The following CSMD1 variants were observed in gnomAD, a reference collection of about 807,000 sequenced individuals.
CSMD1 encodes the protein CUB and Sushi multiple domains 1.
A neutral mutation model predicts 417.5 loss-of-function variants in CSMD1; 213 were observed. The ratio of observed to expected loss-of-function variants is 0.51; its 90% CI spans 0.46 to 0.57. The LOEUF (loss-of-function observed/expected upper bound fraction) is 0.57. Among genes scored for constraint, CSMD1 ranks in the 20% least tolerant of loss-of-function variants. The probability of loss-of-function intolerance (pLI) is 0.00; values close to 1 mark genes in which losing one functional copy is unlikely to be tolerated. For synonymous variants in CSMD1, 2,862 were observed against 1,736.8 expected (o/e 1.65, Z -16.11); for missense variants, 6,923 against 4,529.7 (o/e 1.53, Z -15.17).
intron 25 of CSMD1, among the ~76,000 whole-genome samples, chr8:3,294,358 A>C (rs1803804621): frequency 6.6e-6 from 1 of 152,318 alleles, no homozygotes; most frequent in East Asian, 1.9e-4. Flanking sequence ...GCTGTCAGAC[A>C]GGGACATTTA....
chr8:4,017,597 T>C (rs762607597), intron 4 of CSMD1, among the ~76,000 whole-genome samples: 2 of 152,178 alleles, frequency 1.3e-5, no homozygotes, highest in African/African-American at 4.8e-5. Context: ...TGAGCCACCG[T>C]GCCCAGCTGC....
intron 2 of CSMD1, among the ~76,000 whole-genome samples, chr8:4,473,866 T>G (rs1211030406): frequency 6.6e-6 from 1 of 152,076 alleles, no homozygotes; most frequent in Non-Finnish European, 1.5e-5. Context: ...ATATAAGAAT[T>G]TAATATATGA....
At chr8:3,820,511 G>C (rs1369013694) in intron 5 of CSMD1, among the ~76,000 whole-genome samples, 1 of 152,174 alleles carries the variant, frequency 6.6e-6, no homozygotes, top group Non-Finnish European at 1.5e-5. Flanking sequence ...CACACGTGAA[G>C]CTGACATCTC....
intron 1 of CSMD1, among the ~76,000 whole-genome samples, chr8:4,738,559 C>G (rs1052821264): frequency 6.6e-6 from 1 of 152,074 alleles, no homozygotes; most frequent in Non-Finnish European, 1.5e-5. Context: ...AACTACAATT[C>G]TAGATAAGAC....
At chr8:3,584,460 G>T (rs567866686) in intron 9 of CSMD1, among the ~76,000 whole-genome samples, 1 of 152,140 alleles carries the variant, frequency 6.6e-6, no homozygotes, top group Non-Finnish European at 1.5e-5. Context: ...AGTAGCTGGG[G>T]GGTTGAGAAG....
At chr8:3,915,193 G>T (rs567730575) in intron 5 of CSMD1, among the ~76,000 whole-genome samples, 2 of 152,020 alleles carry the variant, frequency 1.3e-5, no homozygotes, top group Non-Finnish European at 2.9e-5. Flanking sequence ...ACCACCTAAG[G>T]TCAGGATTTC....
rs1042013882 is a variant in CSMD1 at position 4,277,109 on chromosome 8, A to T, written c.415+142844T>A. 4.6e-5 allele frequency among the ~76,000 whole-genome samples: 7 copies of T among 152,284 alleles called. No individual in the cohort carries two copies. In the East Asian group the frequency reaches 1.2e-3, roughly 25 times the overall value. ...ATTGCATGTAACTTTTCTGCCAATT[A>T]AAAATAGTTCCTTCATAAACCCTTA... On this transcript the variant is annotated intron_variant, in intron 3 of 69. Transcript: ENST00000635120.
chr8:3,864,123 T>A (rs2975364), intron 5 of CSMD1, among the ~76,000 whole-genome samples: 3,490 of 145,108 alleles, frequency 0.024, 48 homozygotes, highest in Non-Finnish European at 0.025. Context: ...GTTGATATTT[T>A]AAAAAAAAAT....
At chr8:3,751,433 C>T (rs1298327478) in intron 6 of CSMD1, among the ~76,000 whole-genome samples, 3 of 147,126 alleles carry the variant, frequency 2.0e-5, no homozygotes, top group Non-Finnish European at 4.5e-5. Flanking sequence ...TAACTACATA[C>T]AGTTTATACA....
At chr8:4,628,965 T>C (rs1585356949) in intron 2 of CSMD1, among the ~76,000 whole-genome samples, 1 of 152,292 alleles carries the variant, frequency 6.6e-6, no homozygotes, top group East Asian at 1.9e-4. Context: ...ATGAAACATA[T>C]ATGTGAGAGA....
rs1039720030 is a variant in CSMD1 at position 4,140,583 on chromosome 8, G to A, written c.416-108484C>T. 2.6e-5 allele frequency among the ~76,000 whole-genome samples: 4 copies of A among 150,990 alleles called. 1 individual carries two copies. Among genetic ancestry groups the A allele is most frequent in the African/African-American group, 9.9e-5 (4 of 40,296 alleles). On this transcript the variant is annotated intron_variant, in intron 3 of 69. Coordinates refer to ENST00000635120, the MANE Select transcript of CSMD1 (RefSeq NM_033225.6). ...CTAGGGAGGCTAAGGTGGGAAGACT[G>A]CTTGAACCCAAGAGGTCAAGGCTGC...
intron 49 of CSMD1, among the ~76,000 whole-genome samples, chr8:3,075,654 A>G (rs909001638): frequency 6.6e-6 from 1 of 152,032 alleles, no homozygotes; most frequent in Non-Finnish European, 1.5e-5. Flanking sequence ...TAATAGCTTT[A>G]TATCAGTTTT....
intron 5 of CSMD1, among the ~76,000 whole-genome samples, chr8:3,952,726 A>C (rs997917693): frequency 3.3e-5 from 5 of 152,218 alleles, no homozygotes; most frequent in African/African-American, 1.2e-4. Flanking sequence ...TGAATTGGAC[A>C]TTTTAAAATG....
At chr8:4,355,780 T>C (rs1801395351) in intron 3 of CSMD1, among the ~76,000 whole-genome samples, 1 of 152,182 alleles carries the variant, frequency 6.6e-6, no homozygotes, top group Non-Finnish European at 1.5e-5. Flanking sequence ...CATTCATGGG[T>C]AACATGTGCT....
At position 3,871,797 on chromosome 8, in the gene CSMD1, G is replaced by C. The variant is rs141137793; in HGVS notation, c.819-117755C>G. On this transcript the variant is annotated intron_variant, in intron 5 of 69. Transcript: ENST00000635120. ...ATAAAGATTAAATGTAAGAGTTGTTGATGTGAATGAAGTGTGAAGCTTGTG... is the reference window on the plus strand; with the variant it reads ...ATAAAGATTAAATGTAAGAGTTGTTCATGTGAATGAAGTGTGAAGCTTGTG... Among the ~76,000 whole-genome samples the C allele has an allele frequency of 3.0e-3, 460 of 152,310 alleles. 14 individuals carry two copies. The highest frequency in any genetic ancestry group is 8.8e-4 in the Non-Finnish European group (60 of 68,012).
At chr8:4,827,368 G>A (rs796087236) in intron 1 of CSMD1, among the ~76,000 whole-genome samples, 11 of 152,246 alleles carry the variant, frequency 7.2e-5, no homozygotes, top group African/African-American at 2.2e-4. Context: ...ACAAAGCCCA[G>A]CGGCTGCTCG....
intron 3 of CSMD1, among the ~76,000 whole-genome samples, chr8:4,294,978 G>C (rs1377886011): frequency 1.3e-5 from 2 of 149,926 alleles, no homozygotes; most frequent in Non-Finnish European, 3.0e-5. Context: ...CTTATATTTT[G>C]CCAAGTCACC....
chr8:4,270,180 A>G (rs1304398491), intron 3 of CSMD1, among the ~76,000 whole-genome samples: 1 of 152,212 alleles, frequency 6.6e-6, no homozygotes, highest in African/African-American at 2.4e-5. Context: ...AAGCGGTTAG[A>G]AAGGAGTTGA....
intron 1 of CSMD1, among the ~76,000 whole-genome samples, chr8:4,825,841 G>A (rs756975521): frequency 6.7e-6 from 1 of 148,870 alleles, no homozygotes; most frequent in African/African-American, 2.5e-5. Context: ...ATGGGCAAAA[G>A]ACACTTCTCT....
Sources: allele counts gnomAD v4.1 joint callset (sites outside exome capture counted in the v4.1 genomes callset), GRCh38; gene constraint gnomAD v4.1.1; transcripts MANE v1.5; gene names NCBI Gene and HGNC (gene_info 2026-07-23, HGNC 2026-07-21).